The following NUP160 variants were observed in gnomAD, a reference collection of about 807,000 sequenced individuals.
NUP160 encodes nucleoporin 160.
Under a neutral mutation model 196.9 loss-of-function variants are expected in NUP160, and 94 were observed. That is an observed-to-expected ratio of 0.48 (90% confidence interval 0.40 to 0.57). The LOEUF (loss-of-function observed/expected upper bound fraction) is 0.57. Ranked by LOEUF, NUP160 falls within the 20% of genes least tolerant of loss-of-function variation. The pLI is 0.00. For missense variants in NUP160, 1,638 were observed against 1,748.3 expected, an observed-to-expected ratio of 0.94 and a Z score of 1.13; for synonymous variants, 605 against 619.7, an observed-to-expected ratio of 0.98 and a Z score of 0.35.
rs773885857 is a variant in NUP160 at position 47,847,834 on chromosome 11, A to G, written c.314+14T>C. 1 of 1,593,482 alleles carries G rather than the reference A, an allele frequency of 6.3e-7. No homozygotes were observed. The highest frequency in any genetic ancestry group is 8.6e-7 in the Non-Finnish European group (1 of 1,161,094). ...CCTACCTTCCAGGGGAGTTTGGCGA[A>G]CCACAACACTTACCAATGAATGAAC... On this transcript the variant is annotated intron_variant, in intron 2 of 35. Transcript: ENST00000378460.
At chr11:47,817,515 T>G (rs1282013905) in intron 11 of NUP160, among the ~76,000 whole-genome samples, 3 of 147,914 alleles carry the variant, frequency 2.0e-5, no homozygotes, top group Non-Finnish European at 4.5e-5. Flanking sequence ...CCCGGCTAAT[T>G]TTTGTATTTT....
In NUP160 at chr11:47,795,048, C is replaced by T. The variant is rs548073462; in HGVS notation, c.3290-2102G>A. Among the ~76,000 whole-genome samples, 8 of 151,962 alleles carry T rather than the reference C, an allele frequency of 5.3e-5. No individual in the cohort carries two copies. In the East Asian group the frequency reaches 1.4e-3, roughly 26 times the overall value. Reference sequence around the variant, plus strand: ...CCTGGAAGTGGAGGTTGCTGTGAGCCGAGATCGAGACACTGCACTCCAGGC... The same window carrying T: ...CCTGGAAGTGGAGGTTGCTGTGAGCTGAGATCGAGACACTGCACTCCAGGC... On this transcript the variant is annotated intron_variant, in intron 27 of 35. Coordinates refer to ENST00000378460, the Ensembl canonical transcript of NUP160.
chr11:47,836,845 A>C (rs1263232774), intron 6 of NUP160, 42 bp downstream of exon 6: 1 of 1,194,552 alleles, frequency 8.4e-7, no homozygotes, highest in South Asian at 1.3e-5. Flanking sequence ...CATGATTCAC[A>C]ATCCTGTTTT....
At chr11:47,791,442 C>T (rs2097667841) in intron 29 of NUP160, among the ~76,000 whole-genome samples, 1 of 152,176 alleles carries the variant, frequency 6.6e-6, no homozygotes, top group African/African-American at 2.4e-5. Context: ...TGGATTCAAG[C>T]AATTCTCCTG....
At position 47,792,652 on chromosome 11, in the gene NUP160, T is replaced by G. The variant is rs879054553; in HGVS notation, c.3450+134A>C. ...ACAATTGAATTGTAAACATAGATTT[T>G]TTTCACAAATATCTCAGTAGAAATT... On this transcript the variant is annotated intron_variant, in intron 28 of 35. Transcript: ENST00000378460. The G allele has an allele frequency of 3.6e-5, 30 of 839,092 alleles. No individual in the cohort carries two copies. The South Asian group carries it at 5.6e-4, about 16-fold the overall frequency. 52.0% of individuals were successfully genotyped at this position (839,092 alleles called of 1,614,324 possible). A position where few individuals can be genotyped will look rare whatever the true frequency, so the allele number is the denominator to read the frequency against.
Position 47,812,050 on chromosome 11 carries a change from C to T in NUP160, c.2241+14G>A. 6.2e-7 allele frequency: 1 copy of T among 1,613,210 alleles called. No individual in the cohort carries two copies. Among genetic ancestry groups the T allele is most frequent in the Non-Finnish European group, 8.5e-7 (1 of 1,179,584 alleles). Reference sequence around the variant, plus strand: ...GTTTTAGATTTTACAAGTTTTCCCTCAAGCAGTACTTACAGCATCTCCAAG... The same window carrying T: ...GTTTTAGATTTTACAAGTTTTCCCTTAAGCAGTACTTACAGCATCTCCAAG... On this transcript the variant is annotated intron_variant, in intron 17 of 35. Transcript: ENST00000378460.
intron 7 of NUP160, among the ~76,000 whole-genome samples, chr11:47,832,265 AC>A (rs1045653603): frequency 3.3e-5 from 5 of 152,110 alleles, no homozygotes; most frequent in African/African-American, 1.2e-4. Flanking sequence ...GGCAAGGCTC[AC>A]CTTGGGAGAA....
chr11:47,846,623 C>T (rs79143987), intron 2 of NUP160, among the ~76,000 whole-genome samples: 1,829 of 152,280 alleles, frequency 0.012, 23 homozygotes, highest in East Asian at 0.056. Flanking sequence ...TTTTCTATTT[C>T]TAGTCATTCC....
chr11:47,840,766 C>T (rs928085576), intron 2 of NUP160, among the ~76,000 whole-genome samples, 178 bp from the exon 3 acceptor site: 1 of 152,180 alleles, frequency 6.6e-6, no homozygotes, highest in African/African-American at 2.4e-5. Context: ...AACAGCATAA[C>T]AAAATCCAAA....
At chr11:47,787,853 G>C (rs1001355884) in intron 31 of NUP160, among the ~76,000 whole-genome samples, 7 of 152,120 alleles carry the variant, frequency 4.6e-5, no homozygotes, top group Admixed American at 4.6e-4. Context: ...GAGTAGCTGG[G>C]ACTACAGGCG....
intron 30 of NUP160, 55 bp from the exon 31 acceptor site, chr11:47,788,360 C>A: frequency 6.2e-7 from 1 of 1,608,180 alleles, no homozygotes; most frequent in South Asian, 1.1e-5. Context: ...CAAATGAAAC[C>A]AAAGATTTTG....
chr11:47,814,542 A>G lies in NUP160; in HGVS notation c.1686+937T>C, dbSNP rs990513488. Among the ~76,000 whole-genome samples the G allele has an allele frequency of 2.6e-5, 4 of 152,012 alleles. No homozygotes were observed. In the South Asian group the frequency reaches 8.3e-4, roughly 32 times the overall value. ...GGCGACAGAGCAAGACTGTCTCAAA[A>G]AAAAAAAAAAGATTGGATCCTGGAT... On this transcript the variant is annotated intron_variant, in intron 13 of 35. Coordinates refer to ENST00000378460, the Ensembl canonical transcript of NUP160.
exon 33 of NUP160, chr11:47,785,009 G>T (rs1247647329): frequency 6.2e-7 from 1 of 1,602,002 alleles, no homozygotes; most frequent in Non-Finnish European, 8.5e-7. Flanking sequence ...AGTTATTCTG[G>T]ACTTTGTACC....
chr11:47,798,230 A>G, exon 25 of NUP160: 2 of 1,612,682 alleles, frequency 1.2e-6, no homozygotes, highest in Non-Finnish European at 1.7e-6. Flanking sequence ...CCAAATCCAA[A>G]TGATGTTTGA....
intron 4 of NUP160, among the ~76,000 whole-genome samples, chr11:47,838,415 T>C (rs1852222721): frequency 6.6e-6 from 1 of 152,178 alleles, no homozygotes; most frequent in Admixed American, 6.5e-5. Context: ...AATCCCACCT[T>C]GGGTCATGTT....
At chr11:47,848,011 G>T in intron 1 of NUP160, 52 bp from the exon 2 acceptor site, 1 of 1,439,090 alleles carries the variant, frequency 6.9e-7, no homozygotes, top group Non-Finnish European at 9.8e-7. Flanking sequence ...GAAATGACAG[G>T]GACTAAGGGA....
At chr11:47,837,475 A>C in intron 5 of NUP160, 70 bp downstream of exon 5, 2 of 1,179,830 alleles carry the variant, frequency 1.7e-6, no homozygotes, top group Non-Finnish European at 2.5e-6. Flanking sequence ...GACTGGAAAC[A>C]ATAACTGCCG....
chr11:47,824,126 T>C (rs1397534911), intron 7 of NUP160, among the ~76,000 whole-genome samples: 1 of 149,682 alleles, frequency 6.7e-6, no homozygotes, highest in Non-Finnish European at 1.5e-5. Context: ...AACCACTATA[T>C]TGTTTTTCAT....
At chr11:47,832,102 A>G (rs2135395056) in intron 7 of NUP160, among the ~76,000 whole-genome samples, 1 of 151,862 alleles carries the variant, frequency 6.6e-6, no homozygotes, top group Middle Eastern at 3.4e-3. Context: ...GAGTTTCACC[A>G]TATTGGCCAG....
Sources: gnomAD v4.1 joint callset for allele counts (sites outside exome capture counted in the v4.1 genomes callset) on GRCh38, gnomAD v4.1.1 for gene constraint, MANE v1.5 for transcripts, NCBI Gene and HGNC (gene_info 2026-07-23, HGNC 2026-07-21) for gene names.